SSH2: variants seen among roughly 807,000 people sequenced by gnomAD.
SSH2 encodes the protein slingshot protein phosphatase 2.
Under a neutral mutation model 135.2 loss-of-function variants are expected in SSH2, and 37 were observed. The ratio of observed to expected loss-of-function variants is 0.27; its 90% CI spans 0.21 to 0.36. The LOEUF is 0.36. SSH2 is among the 10% of genes least tolerant of loss of function. The pLI, the probability that SSH2 is intolerant of heterozygous loss-of-function variation, is 1.00. For missense variants in SSH2, 1,408 were observed against 1,765.3 expected (o/e 0.80, Z 3.63); for synonymous variants, 628 against 646.2 (o/e 0.97, Z 0.43).
At chr17:29,641,424 C>T (rs1019454789) in intron 14 of SSH2, among the ~76,000 whole-genome samples, 3 of 152,098 alleles carry the variant, frequency 2.0e-5, no homozygotes, top group African/African-American at 7.2e-5. Context: ...CAAAAAGGAA[C>T]TTCAGAGTTG....
chr17:29,777,552 A>C (rs1398476879), intron 3 of SSH2: 1 of 152,224 alleles, frequency 6.6e-6, no homozygotes, highest in Non-Finnish European at 1.5e-5. Flanking sequence ...ATAAGGATGG[A>C]AAGAGAATCT....
chr17:29,912,544 T>C (rs895770855), intron 1 of SSH2, among the ~76,000 whole-genome samples: 1 of 152,024 alleles, frequency 6.6e-6, no homozygotes, highest in Non-Finnish European at 1.5e-5. Flanking sequence ...CTGGACAATA[T>C]AGTGAGACCT....
chr17:29,925,673 C>T (rs1037965980), intron 1 of SSH2: 3 of 388,856 alleles, frequency 7.7e-6, no homozygotes, highest in Non-Finnish European at 1.4e-5. Flanking sequence ...TGTGCCACTG[C>T]ACTCCAGCCT....
chr17:29,788,206 T>C (rs1323615238), intron 3 of SSH2, among the ~76,000 whole-genome samples: 2 of 152,220 alleles, frequency 1.3e-5, no homozygotes. Flanking sequence ...TCTCGGCTTA[T>C]CTGTGAGGGT....
In SSH2 at chr17:29,716,222, A is replaced by G. The variant is rs574290057; in HGVS notation, c.189-13160T>C. ...ATACCCTTAAAAGAAAACAACCTCC[A>G]TGCCCCCAAACCTTAACTTGATCCT... On this transcript the variant is annotated intron_variant, in intron 3 of 15. Transcript: ENST00000540801. 1.1e-5 allele frequency: 3 copies of G among 281,556 alleles called. No individual in the cohort carries two copies. In the East Asian group the frequency reaches 2.8e-4, roughly 26 times the overall value. The allele number at this position is 281,556 out of a possible 1,614,324, so 17.4% of individuals were successfully genotyped here. A position where few individuals can be genotyped will look rare whatever the true frequency, so the allele number is the denominator to read the frequency against.
intron 1 of SSH2, among the ~76,000 whole-genome samples, chr17:29,872,115 CAA>C (rs1167727416): frequency 1.3e-5 from 2 of 152,108 alleles, no homozygotes; most frequent in Admixed American, 1.3e-4. Context: ...TCTTTGTTTT[CAA>C]AGTTATTAAA....
chr17:29,901,333 A>C (rs186100687), intron 1 of SSH2, among the ~76,000 whole-genome samples: 57 of 152,282 alleles, frequency 3.7e-4, no homozygotes, highest in African/African-American at 1.2e-3. Flanking sequence ...TTTACTTAAG[A>C]GTTAGATTAG....
At chr17:29,899,000 A>G (rs1480030325) in intron 1 of SSH2, among the ~76,000 whole-genome samples, 2 of 152,246 alleles carry the variant, frequency 1.3e-5, no homozygotes, top group Non-Finnish European at 2.9e-5. Flanking sequence ...AACATAATCC[A>G]GCATATAAAC....
At chr17:29,731,240 T>C (rs900636855) in intron 3 of SSH2, among the ~76,000 whole-genome samples, 2 of 152,158 alleles carry the variant, frequency 1.3e-5, no homozygotes, top group Non-Finnish European at 2.9e-5. Context: ...ATATAATATG[T>C]GGTGAGATAA....
intron 8 of SSH2, among the ~76,000 whole-genome samples, chr17:29,672,359 G>A (rs930265271): frequency 6.6e-6 from 1 of 152,162 alleles, no homozygotes; most frequent in African/African-American, 2.4e-5. Flanking sequence ...TAGGGAGAAG[G>A]CGGGGAAGGA....
chr17:29,656,375 A>G (rs981323125), intron 11 of SSH2, among the ~76,000 whole-genome samples: 8 of 152,022 alleles, frequency 5.3e-5, no homozygotes, highest in African/African-American at 1.9e-4. Context: ...GCAGGGTTTC[A>G]CCATGCTGGT....
intron 2 of SSH2, among the ~76,000 whole-genome samples, chr17:29,815,123 A>ATTTTT (rs71360722): frequency 2.0e-5 from 2 of 98,034 alleles, no homozygotes; most frequent in African/African-American, 4.0e-5. Flanking sequence ...TATTTTTTGT[A>ATTTTT]TTTTTTTTTT....
At chr17:29,725,328 C>T (rs1368266303) in intron 3 of SSH2, among the ~76,000 whole-genome samples, 2 of 93,794 alleles carry the variant, frequency 2.1e-5, no homozygotes, top group African/African-American at 8.3e-5. Context: ...GCCTGGGCGA[C>T]ACAGCAAGAA....
At chr17:29,648,007 GGATTGATAGAGAA>G (rs1193302668) in intron 14 of SSH2, 124 bp downstream of exon 14, 2 of 849,328 alleles carry the variant, frequency 2.4e-6, no homozygotes, top group Non-Finnish European at 3.7e-6. Context: ...TTTGAAAACT[GGATTGATAGAGAA>G]ATAAGTCTTT....
intron 1 of SSH2, among the ~76,000 whole-genome samples, chr17:29,893,025 T>C (rs1213639713): frequency 6.6e-6 from 1 of 152,102 alleles, no homozygotes; most frequent in Non-Finnish European, 1.5e-5. Flanking sequence ...TCCTCACCAC[T>C]AATTTACCTT....
chr17:29,712,449 C>T (rs1333630972), intron 3 of SSH2, among the ~76,000 whole-genome samples: 5 of 152,118 alleles, frequency 3.3e-5, no homozygotes, highest in Non-Finnish European at 7.4e-5. Flanking sequence ...AAGTTTGGTC[C>T]TCTAGCCTCC....
intron 3 of SSH2, among the ~76,000 whole-genome samples, chr17:29,709,052 A>AGAGAGAGAGAGCGC (rs1491229455): frequency 6.3e-4 from 91 of 144,636 alleles, no homozygotes; most frequent in African/African-American, 2.2e-3. Flanking sequence ...AGAGAGAGAG[A>AGAGAGAGAGAGCGC]GCTAATAATA....
chr17:29,864,929 CT>C (rs767184660), intron 1 of SSH2, among the ~76,000 whole-genome samples: 1 of 152,234 alleles, frequency 6.6e-6, no homozygotes, highest in Non-Finnish European at 1.5e-5. Flanking sequence ...TTCACAAGCC[CT>C]CCAGGTAATT....
intron 2 of SSH2, among the ~76,000 whole-genome samples, chr17:29,816,209 G>A (rs927524697): frequency 2.6e-5 from 4 of 151,972 alleles, no homozygotes; most frequent in African/African-American, 9.7e-5. Context: ...AGTGCGGTAG[G>A]GATTATGGAA....
Sources: gnomAD v4.1 joint callset for allele counts (sites outside exome capture counted in the v4.1 genomes callset) on GRCh38, gnomAD v4.1.1 for gene constraint, MANE v1.5 for transcripts, NCBI Gene and HGNC (gene_info 2026-07-23, HGNC 2026-07-21) for gene names.